The following ZNF804A variants were observed in gnomAD, a reference collection of about 807,000 sequenced individuals.
ZNF804A encodes zinc finger protein 804A.
ZNF804A carries 2 observed loss-of-function variants against 16.5 expected under a neutral mutation model. The observed-to-expected ratio is 0.12, with a 90% confidence interval of 0.05 to 0.38. The LOEUF (loss-of-function observed/expected upper bound fraction) is 0.38, where lower values mean the gene tolerates loss of function less well. Ranked by LOEUF, ZNF804A falls within the 10% of genes least tolerant of loss-of-function variation. The pLI is 0.99. For missense variants in ZNF804A, 1,473 were observed against 1,390.7 expected (o/e 1.06, Z -0.94); for synonymous variants, 534 against 489.6 (o/e 1.09, Z -1.20).
chr2:184,718,711 A>T (rs1351215611), intron 1 of ZNF804A, among the ~76,000 whole-genome samples: 1 of 152,154 alleles, frequency 6.6e-6, no homozygotes, highest in South Asian at 2.1e-4. Flanking sequence ...TCACGCTGAT[A>T]CAAGAAGTGG....
At chr2:184,849,322 A>G (rs758917858) in intron 1 of ZNF804A, among the ~76,000 whole-genome samples, 1 of 152,036 alleles carries the variant, frequency 6.6e-6, no homozygotes, top group Admixed American at 6.6e-5. Flanking sequence ...GCATAGGCTG[A>G]GGCATAACGC....
chr2:184,813,974 G>A (rs1324091927), intron 1 of ZNF804A, among the ~76,000 whole-genome samples: 1 of 138,022 alleles, frequency 7.2e-6, no homozygotes, highest in African/African-American at 2.6e-5. Flanking sequence ...ATACTTTAGG[G>A]CATGTTTGAG....
chr2:184,932,987 G>A (rs1685726384), intron 2 of ZNF804A, among the ~76,000 whole-genome samples: 4 of 151,964 alleles, frequency 2.6e-5, no homozygotes, highest in African/African-American at 9.7e-5. Context: ...TTGAGAGAAG[G>A]GATTGTTTTA....
chr2:184,910,058 T>G (rs1685332392), intron 2 of ZNF804A, among the ~76,000 whole-genome samples: 1 of 152,048 alleles, frequency 6.6e-6, no homozygotes, highest in African/African-American at 2.4e-5. Flanking sequence ...CATGTATATA[T>G]TGTTTGATGC....
chr2:184,738,902 G>A (rs1412150203), intron 1 of ZNF804A, among the ~76,000 whole-genome samples: 1 of 152,158 alleles, frequency 6.6e-6, no homozygotes, highest in Admixed American at 6.5e-5. Context: ...AAGAAAATAA[G>A]TATGAATTAA....
intron 2 of ZNF804A, among the ~76,000 whole-genome samples, chr2:184,879,070 T>C (rs1684764621): frequency 6.6e-6 from 1 of 151,992 alleles, no homozygotes; most frequent in African/African-American, 2.4e-5. Flanking sequence ...ATTATGTCTA[T>C]ACTACTACAA....
chr2:184,645,883 G>A (rs1199132663), intron 1 of ZNF804A, among the ~76,000 whole-genome samples: 1 of 152,170 alleles, frequency 6.6e-6, no homozygotes, highest in Non-Finnish European at 1.5e-5. Context: ...AAAAGTAAGT[G>A]AAGCCCCAAT....
At chr2:184,814,992 G>A (rs1694960037) in intron 1 of ZNF804A, among the ~76,000 whole-genome samples, 1 of 151,826 alleles carries the variant, frequency 6.6e-6, no homozygotes, top group African/African-American at 2.4e-5. Context: ...GTTTTGCTTT[G>A]GAATTTACAA....
chr2:184,604,194 G>T (rs1691098966), intron 1 of ZNF804A, among the ~76,000 whole-genome samples: 1 of 60,390 alleles, frequency 1.7e-5, no homozygotes, highest in Non-Finnish European at 3.5e-5. Context: ...TTTTGAGACG[G>T]AGTCTGGCTC....
chr2:184,855,309 A>G (rs935308659), intron 1 of ZNF804A, among the ~76,000 whole-genome samples: 3 of 152,108 alleles, frequency 2.0e-5, no homozygotes, highest in Non-Finnish European at 4.4e-5. Flanking sequence ...CCTTAACAAA[A>G]AAGGCATAAA....
chr2:184,786,201 C>A (rs151240504), intron 1 of ZNF804A, among the ~76,000 whole-genome samples: 145 of 152,100 alleles, frequency 9.5e-4, no homozygotes, highest in African/African-American at 3.2e-3. Context: ...CACATCCTTT[C>A]TAGTCAGTAA....
intron 2 of ZNF804A, among the ~76,000 whole-genome samples, chr2:184,928,001 A>C (rs1439584826): frequency 6.6e-6 from 1 of 152,024 alleles, no homozygotes; most frequent in Non-Finnish European, 1.5e-5. Flanking sequence ...GCTAAGGTGC[A>C]AGACAAAGTC....
At chr2:184,772,956 C>T (rs6751708) in intron 1 of ZNF804A, among the ~76,000 whole-genome samples, 9,496 of 138,440 alleles carry the variant, frequency 0.069, 1,077 homozygotes, top group African/African-American at 0.25. Flanking sequence ...TACATATATA[C>T]ATATACATAT....
At chr2:184,839,963 T>C (rs1360599183) in intron 1 of ZNF804A, among the ~76,000 whole-genome samples, 1 of 152,172 alleles carries the variant, frequency 6.6e-6, no homozygotes, top group Non-Finnish European at 1.5e-5. Flanking sequence ...GTCCATGAAC[T>C]TAATATCTAA....
At chr2:184,921,234 G>GA (rs778374043) in intron 2 of ZNF804A, among the ~76,000 whole-genome samples, 33 of 151,982 alleles carry the variant, frequency 2.2e-4, no homozygotes, top group Non-Finnish European at 4.6e-4. Context: ...AAAAATATAA[G>GA]AAAAAACATT....
intron 1 of ZNF804A, among the ~76,000 whole-genome samples, chr2:184,806,562 AAATTGTCATGACATAAATGT>A (rs1345436398): frequency 6.6e-6 from 1 of 151,876 alleles, no homozygotes; most frequent in Non-Finnish European, 1.5e-5. Context: ...ATAATAGGAC[AAATTGTCATGACATAAATGT>A]AATAACTGTA....
At chr2:184,640,114 T>C (rs1691770761) in intron 1 of ZNF804A, among the ~76,000 whole-genome samples, 1 of 152,002 alleles carries the variant, frequency 6.6e-6, no homozygotes. Context: ...AACTCATATA[T>C]GTGTAAAAAT....
At chr2:184,851,354 T>G (rs1363154705) in intron 1 of ZNF804A, among the ~76,000 whole-genome samples, 1 of 151,772 alleles carries the variant, frequency 6.6e-6, no homozygotes, top group Non-Finnish European at 1.5e-5. Flanking sequence ...CCCCTACCCC[T>G]ATACCCTGGG....
intron 1 of ZNF804A, among the ~76,000 whole-genome samples, chr2:184,776,089 G>A (rs376057245): frequency 6.6e-6 from 1 of 151,198 alleles, no homozygotes. Flanking sequence ...TAAATGCAGG[G>A]GTAATAAAAG....
Sources: gnomAD v4.1 joint callset for allele counts (sites outside exome capture counted in the v4.1 genomes callset) on GRCh38, gnomAD v4.1.1 for gene constraint, MANE v1.5 for transcripts, NCBI Gene and HGNC (gene_info 2026-07-23, HGNC 2026-07-21) for gene names.